Variants in DLG4 observed in about 807,000 individuals in gnomAD.
DLG4 encodes discs large MAGUK scaffold protein 4.
Under a neutral mutation model 93.8 loss-of-function variants are expected in DLG4, and 7 were observed. The ratio of observed to expected loss-of-function variants is 0.07; its 90% CI spans 0.04 to 0.14. The LOEUF (loss-of-function observed/expected upper bound fraction) is 0.14, where lower values mean the gene tolerates loss of function less well. Ranked by LOEUF, DLG4 falls within the 10% of genes least tolerant of loss-of-function variation. The pLI, the probability that DLG4 is intolerant of heterozygous loss-of-function variation, is 1.00. For synonymous variants in DLG4, 341 were observed against 387.6 expected (o/e 0.88, Z 1.41); for missense variants, 545 against 992.9 (o/e 0.55, Z 6.06).
At chr17:7,218,738 C>G, upstream of DLG4, 1 of 1,575,512 alleles carries the variant, frequency 6.3e-7, no homozygotes, top group Non-Finnish European at 8.7e-7. Flanking sequence ...TTCACCCCAG[C>G]CCCTACGGAA....
Position 7,189,561 on chromosome 17 carries a change from TGAAC to T in DLG4, c.*1143_*1146del, listed in dbSNP as rs1406302330. 1.3e-5 allele frequency among the ~76,000 whole-genome samples: 2 copies of T among 152,162 alleles called. No individual in the cohort carries two copies. The highest frequency in any genetic ancestry group is 2.9e-5 in the Non-Finnish European group (2 of 68,022). On this transcript the variant is annotated 3_prime_UTR_variant, in exon 20 of 20. Transcript: ENST00000399506. ...CTGTCCACAACTCCATGAACATGAA[TGAAC>T]GAAGTTTCCTCTCTATTTTCCTTTA...
rs1157119236 is a variant in DLG4 at position 7,208,094 on chromosome 17, G to C, written c.96+80C>G. The C allele has an allele frequency of 7.6e-7, 1 of 1,317,064 alleles. No homozygotes were observed. 81.6% of individuals were successfully genotyped at this position (1,317,064 alleles called of 1,614,324 possible). ...TCCTACCTTGAAGGGGGAGAGGTGG[G>C]CGTGGCCCACGACCCCGTGGCCAGC... On this transcript the variant is annotated intron_variant, in intron 2 of 19. Transcript: ENST00000399506. This position sits in a 1 kb window ranked among gnomAD's most constrained non-coding sequence, Gnocchi z 5.4.
upstream of DLG4, chr17:7,218,235 C>G (rs761667426): frequency 6.2e-7 from 1 of 1,608,306 alleles, no homozygotes; most frequent in East Asian, 2.2e-5. Context: ...GCCCCCACCT[C>G]CTTACCTGAC....
In DLG4 at chr17:7,193,939, C is replaced by G; in HGVS notation, c.1515+25G>C. 6.2e-7 allele frequency: 1 copy of G among 1,613,666 alleles called. No individual in the cohort carries two copies. The highest frequency in any genetic ancestry group is 1.1e-5 in the South Asian group (1 of 90,994). On this transcript the variant is annotated intron_variant, in intron 13 of 19. Transcript: ENST00000399506. The surrounding 1 kb of genome is among the most constrained non-coding windows in gnomAD (Gnocchi z 6.7). ...CTCCATGAGCCCTCACACTTCCACC[C>G]AGGCTCACACCCTCCTCCACCTACC...
chr17:7,217,081 C>T (rs1318165099), intron 1 of DLG4, 37 bp downstream of exon 1: 4 of 1,274,042 alleles, frequency 3.1e-6, no homozygotes, highest in Non-Finnish European at 4.0e-6. Flanking sequence ...CAAACTCATA[C>T]CCTCCCCCCA....
At chr17:7,197,507 G>T (rs567491320) in intron 8 of DLG4, among the ~76,000 whole-genome samples, 1 of 151,740 alleles carries the variant, frequency 6.6e-6, no homozygotes, top group Non-Finnish European at 1.5e-5. Flanking sequence ...TTTTTTTGGG[G>T]TTTTTTTGAG....
chr17:7,200,709 G>A (rs1236773746), intron 8 of DLG4, among the ~76,000 whole-genome samples: 1 of 151,804 alleles, frequency 6.6e-6, no homozygotes, highest in Non-Finnish European at 1.5e-5. Context: ...ACCATGCCCG[G>A]CTAATTTTGT....
upstream of DLG4, chr17:7,219,878 G>C (rs750033388): frequency 1.9e-6 from 3 of 1,541,252 alleles, no homozygotes; most frequent in Admixed American, 5.9e-5. Flanking sequence ...TCCGCCGCCC[G>C]GTGCACTGTG....
chr17:7,203,789 C>A lies in DLG4; in HGVS notation c.238G>T (p.Ala80Ser). Residue 80 changes from alanine to serine, a missense_variant, in exon 5 of 20, where the codon GCA (alanine) becomes TCA (serine). Ala to Ser is a moderately conservative substitution (Grantham distance 99). Coordinates refer to ENST00000399506, the MANE Select transcript of DLG4 (RefSeq NM_001321075.3). The surrounding 1 kb of genome is among the most constrained non-coding windows in gnomAD (Gnocchi z 7.2). ...ATGTGTGGGTTGTCAGTGCCACCTG[C>A]GATGCTGAAGCCCAGACCTGAGTTA... Reference protein sequence around the residue: ...RGNSGLGFSIAGGTDNPHIGD... With the variant: ...RGNSGLGFSISGGTDNPHIGD... 6.2e-7 allele frequency: 1 copy of A among 1,613,936 alleles called. No homozygotes were observed. The highest frequency in any genetic ancestry group is 8.5e-7 in the Non-Finnish European group (1 of 1,179,884).
chr17:7,219,391 G>A, upstream of DLG4: 1 of 1,013,100 alleles, frequency 9.9e-7, no homozygotes, highest in African/African-American at 1.7e-5. Flanking sequence ...CAGTGAATCT[G>A]GGGGGGTCTT....
At chr17:7,219,767 G>T (rs1051165757), upstream of DLG4, 1 of 1,482,358 alleles carries the variant, frequency 6.7e-7, no homozygotes, top group Non-Finnish European at 9.0e-7. Context: ...TAAGGAGTTT[G>T]GGGGAGACGA....
At chr17:7,207,992 C>T in intron 2 of DLG4, 182 bp downstream of exon 2, 1 of 1,117,056 alleles carries the variant, frequency 9.0e-7, no homozygotes, top group Non-Finnish European at 1.1e-6. Flanking sequence ...ACGGCTCTCT[C>T]TCACCCTACC....
rs1435160120 is a variant in DLG4 at position 7,195,687 on chromosome 17, A to G, written c.1301+533T>C. 2.0e-5 allele frequency among the ~76,000 whole-genome samples: 3 copies of G among 152,092 alleles called. No individual in the cohort carries two copies. The highest frequency in any genetic ancestry group is 2.9e-5 in the Non-Finnish European group (2 of 68,002). ...ACGAGGCCATGCAAGCCACAGGGCC[A>G]GACAGGGACAGAAGTGGAGGGGTGA... is the stretch of plus-strand genomic sequence containing the variant. On this transcript the variant is annotated intron_variant, in intron 11 of 19. Coordinates refer to ENST00000399506, the MANE Select transcript of DLG4 (RefSeq NM_001321075.3). The surrounding 1 kb of genome is among the most constrained non-coding windows in gnomAD (Gnocchi z 4.3).
upstream of DLG4, chr17:7,219,850 C>A: frequency 6.5e-7 from 1 of 1,538,564 alleles, no homozygotes; most frequent in Non-Finnish European, 8.7e-7. Flanking sequence ...TCCCAGCATG[C>A]CCCGGGGCCC....
intron 2 of DLG4, among the ~76,000 whole-genome samples, chr17:7,207,375 G>C (rs2070514780): frequency 6.6e-6 from 1 of 152,052 alleles, no homozygotes; most frequent in Non-Finnish European, 1.5e-5. Context: ...AGCCAGCAGG[G>C]AGGAAAGGCT....
chr17:7,191,262 C>T lies in DLG4; in HGVS notation c.2068+5G>A. ...ATGCTGGCAACAGCCTTGCTGTGGC[C>T]TCACCTGAGAAGCACTCTGTGAACT... On this transcript the variant is annotated splice_donor_5th_base_variant and intron_variant, in intron 19 of 19. Coordinates refer to ENST00000399506, the MANE Select transcript of DLG4 (RefSeq NM_001321075.3). The surrounding 1 kb of genome is among the most constrained non-coding windows in gnomAD (Gnocchi z 6.6). 6.2e-7 allele frequency: 1 copy of T among 1,613,800 alleles called. No individual in the cohort carries two copies. Among genetic ancestry groups the T allele is most frequent in the Middle Eastern group, 1.7e-4 (1 of 6,054 alleles).
chr17:7,196,293 G>C lies in DLG4; in HGVS notation c.1228C>G (p.Gln410Glu). Residue 410 changes from glutamine (Q) to glutamate (E), a missense_variant, in exon 11 of 20, where the codon CAG (glutamine) becomes GAG (glutamate). Physicochemically the swap from Gln to Glu is conservative, Grantham distance 29. Coordinates refer to ENST00000399506, the MANE Select transcript of DLG4 (RefSeq NM_001321075.3). The surrounding 1 kb of genome is among the most constrained non-coding windows in gnomAD (Gnocchi z 8.3). ...GAGCCCAGGCTGCTGTTCATGAGCT[G>C]TTCCCGAAGGTCGTGGATCTTGGCC... ...FEAKIHDLRE[Q>E]LMNSSLGSGT... is the part of the protein sequence containing the mutation. 1 of 1,614,034 alleles carries C rather than the reference G, an allele frequency of 6.2e-7. No individual in the cohort carries two copies. Among genetic ancestry groups the C allele is most frequent in the Non-Finnish European group, 8.5e-7 (1 of 1,179,900 alleles).
At chr17:7,212,729 C>A (rs1384791229) in intron 1 of DLG4, among the ~76,000 whole-genome samples, 1 of 152,086 alleles carries the variant, frequency 6.6e-6, no homozygotes, top group African/African-American at 2.4e-5. Context: ...ATAGTGAGAT[C>A]CCATCTCTAA....
At chr17:7,198,870 G>C (rs1379441442) in intron 8 of DLG4, among the ~76,000 whole-genome samples, 1 of 148,658 alleles carries the variant, frequency 6.7e-6, no homozygotes, top group East Asian at 2.0e-4. Context: ...AAAAAAGTTA[G>C]CTGAGCATGA....
Sources: gnomAD v4.1 joint callset for allele counts (sites outside exome capture counted in the v4.1 genomes callset) on GRCh38, gnomAD v4.1.1 for gene constraint, Gnocchi (gnomAD v3.1) non-coding constraint, MANE v1.5 for transcripts, NCBI Gene and HGNC (gene_info 2026-07-23, HGNC 2026-07-21) for gene names.